Variants in FUBP1 observed in about 807,000 individuals in gnomAD.
FUBP1 encodes the protein far upstream element binding protein 1.
FUBP1 carries 16 observed loss-of-function variants against 94.9 expected under a neutral mutation model. The ratio of observed to expected loss-of-function variants is 0.17; its 90% CI spans 0.11 to 0.26. FUBP1 has a LOEUF of 0.26. FUBP1 is among the 10% of genes least tolerant of loss of function. FUBP1 has a pLI of 1.00. For synonymous variants in FUBP1, 279 were observed against 254.9 expected, an observed-to-expected ratio of 1.09 and a Z score of -0.90; for missense variants, 583 against 808.6, an observed-to-expected ratio of 0.72 and a Z score of 3.38.
chr1:77,955,472 C>T, intron 17 of FUBP1, 143 bp from the exon 18 acceptor site: 1 of 611,044 alleles, frequency 1.6e-6, no homozygotes, highest in East Asian at 2.8e-5. Flanking sequence ...GGTGGCATCC[C>T]TAACAGTGCC....
At chr1:77,963,999 T>G (rs894346517) in intron 12 of FUBP1, 63 bp downstream of exon 12, 31 of 1,006,598 alleles carry the variant, frequency 3.1e-5, no homozygotes, top group Non-Finnish European at 4.6e-5. Flanking sequence ...TAACTTCAGA[T>G]TTCATGAAGG....
rs1652309993 is a variant in FUBP1, at chr1:77,947,053, T to A, written c.*1713A>T. 1 of 208,902 alleles carries A rather than the reference T, an allele frequency of 4.8e-6. No individual in the cohort carries two copies. Among genetic ancestry groups the A allele is most frequent in the Admixed American group, 5.8e-5 (1 of 17,184 alleles). The allele number at this position is 208,902 out of a possible 1,614,324, so 12.9% of individuals were successfully genotyped here. A position where few individuals can be genotyped will look rare whatever the true frequency, so the allele number is the denominator to read the frequency against. On this transcript the variant is annotated 3_prime_UTR_variant, in exon 20 of 20. Transcript: ENST00000370768. ...TGACAAAATATATATTTATGAAATG[T>A]GTTAAAATTGCTACATTGCTCATTA...
At chr1:77,978,154 C>T (rs1039014016) in intron 1 of FUBP1, among the ~76,000 whole-genome samples, 1 of 152,226 alleles carries the variant, frequency 6.6e-6, no homozygotes, top group Non-Finnish European at 1.5e-5. Flanking sequence ...TCCTGGAATA[C>T]ACGCACTATT....
In FUBP1 at chr1:77,945,146, A is replaced by C. The variant is rs1376767844; in HGVS notation, c.*3620T>G. Among the ~76,000 whole-genome samples, 1 of 152,006 alleles carries C rather than the reference A, an allele frequency of 6.6e-6. No homozygotes were observed. Among genetic ancestry groups the C allele is most frequent in the African/African-American group, 2.4e-5 (1 of 41,438 alleles). Reference sequence around the variant, plus strand: ...CAGTGAAGGCTTATGGTAATGAATAAAAGAATTCTCATGAGACAGAAACAA... The same window carrying C: ...CAGTGAAGGCTTATGGTAATGAATACAAGAATTCTCATGAGACAGAAACAA... On this transcript the variant is annotated 3_prime_UTR_variant, in exon 20 of 20. Coordinates refer to ENST00000370768, the MANE Select transcript of FUBP1 (RefSeq NM_003902.5).
rs907502828 is a variant in FUBP1 at position 77,969,885 on chromosome 1, A to T, written c.211+40T>A. 4 of 864,684 alleles carry T rather than the reference A, an allele frequency of 4.6e-6. No individual in the cohort carries two copies. In the Admixed American group the frequency reaches 9.5e-5, roughly 21 times the overall value. The allele number at this position is 864,684 out of a possible 1,614,324, so 53.6% of individuals were successfully genotyped here. A position where few individuals can be genotyped will look rare whatever the true frequency, so the allele number is the denominator to read the frequency against. On this transcript the variant is annotated intron_variant, in intron 2 of 19. Transcript: ENST00000370768. ...ATACCGAGAATCACTTCAACTAAAC[A>T]CTCTGAAAAACAATTTAAAATACTT...
chr1:77,966,874 G>T lies in FUBP1; in HGVS notation c.415+10C>A, dbSNP rs1656606896. ...GTCACACTGAAAATACCATGAGAATGTAACATTACCAGGAGCTATCTGTAT... is the reference window on the plus strand; with the variant it reads ...GTCACACTGAAAATACCATGAGAATTTAACATTACCAGGAGCTATCTGTAT... On this transcript the variant is annotated intron_variant, in intron 6 of 19. Coordinates refer to ENST00000370768, the MANE Select transcript of FUBP1 (RefSeq NM_003902.5). 3 of 1,514,500 alleles carry T rather than the reference G, an allele frequency of 2.0e-6. No homozygotes were observed. The highest frequency in any genetic ancestry group is 2.7e-6 in the Non-Finnish European group (3 of 1,091,240). 93.8% of individuals were successfully genotyped at this position (1,514,500 alleles called of 1,614,324 possible).
At chr1:77,948,851 T>A in intron 19 of FUBP1, 77 bp from the exon 20 acceptor site, 1 of 1,590,956 alleles carries the variant, frequency 6.3e-7, no homozygotes, top group South Asian at 1.1e-5. Flanking sequence ...CAGGAGTGAA[T>A]CCTTTAAGAA....
intron 1 of FUBP1, among the ~76,000 whole-genome samples, chr1:77,972,217 C>A (rs1315713979): frequency 6.6e-6 from 1 of 152,082 alleles, no homozygotes; most frequent in Non-Finnish European, 1.5e-5. Context: ...AAATACACTG[C>A]TGGGTATCGA....
intron 17 of FUBP1, 133 bp from the exon 18 acceptor site, chr1:77,955,462 G>C: frequency 7.9e-6 from 5 of 629,744 alleles, no homozygotes; most frequent in Non-Finnish European, 1.1e-5. Context: ...ACTATGTGGT[G>C]GTGGCATCCC....
chr1:77,970,070 A>C lies in FUBP1; in HGVS notation c.121-55T>G, dbSNP rs878918344. The C allele has an allele frequency of 6.8e-5, 56 of 829,266 alleles. 1 individual carries two copies. In the South Asian group the frequency reaches 1.0e-3, roughly 16 times the overall value. The allele number at this position is 829,266 out of a possible 1,614,324, so 51.4% of individuals were successfully genotyped here. On this transcript the variant is annotated intron_variant, in intron 1 of 19. Transcript: ENST00000370768. ...AAACTATTATATACTATTCATTACT[A>C]AATTACCCCCATTTACTTCCTGATA... is the stretch of plus-strand genomic sequence containing the variant.
At chr1:77,959,461 T>C (rs1162342033) in intron 16 of FUBP1, among the ~76,000 whole-genome samples, 1 of 152,204 alleles carries the variant, frequency 6.6e-6, no homozygotes, top group Admixed American at 6.5e-5. Flanking sequence ...ACAGATATCT[T>C]ATTTGACAAT....
rs137872183 is a variant in FUBP1, at chr1:77,965,470, C to A, written c.474-239G>T. On this transcript the variant is annotated intron_variant, in intron 7 of 19. Coordinates refer to ENST00000370768, the MANE Select transcript of FUBP1 (RefSeq NM_003902.5). ...TACAATTTTTATTTTTAAGAATAGT[C>A]CAAAATTTCCAAGAAAGAACTCTAA... 3.5e-4 allele frequency among the ~76,000 whole-genome samples: 54 copies of A among 152,152 alleles called. 1 individual carries two copies. The highest frequency in any genetic ancestry group is 1.2e-3 in the African/African-American group (50 of 41,502).
In FUBP1 at chr1:77,964,660, TTCC is replaced by T. The variant is rs781219330; in HGVS notation, c.820_822del (p.Gly274del). 33 of 1,584,484 alleles carry T rather than the reference TTCC, an allele frequency of 2.1e-5. No individual in the cohort carries two copies. The East Asian group carries it at 6.0e-4, about 29-fold the overall frequency. On this transcript the variant is annotated inframe_deletion, in exon 10 of 20. Coordinates refer to ENST00000370768, the MANE Select transcript of FUBP1 (RefSeq NM_003902.5). ...TTTTTACTTACATCTATCCCTTCAT[TTCC>T]TCCTATTCTTGACCCATACTCATTC...
At chr1:77,968,273 AAATAAC>A (rs1656889756) in intron 2 of FUBP1, 70 bp from the exon 3 acceptor site, 1 of 840,806 alleles carries the variant, frequency 1.2e-6, no homozygotes, top group Admixed American at 2.8e-5. Context: ...AAACAAGAAT[AAATAAC>A]AATATAAACA....
At chr1:77,965,999 G>C (rs978073437) in intron 7 of FUBP1, among the ~76,000 whole-genome samples, 2 of 152,240 alleles carry the variant, frequency 1.3e-5, no homozygotes, top group Admixed American at 6.5e-5. Context: ...CCTGGCAACA[G>C]AGCGAGACTT....
intron 1 of FUBP1, among the ~76,000 whole-genome samples, chr1:77,974,473 T>C (rs1329750245): frequency 6.6e-6 from 1 of 152,178 alleles, no homozygotes; most frequent in African/African-American, 2.4e-5. Context: ...TTCACCATGT[T>C]GCCTAGGGTG....
At chr1:77,974,058 C>G (rs540425800) in intron 1 of FUBP1, among the ~76,000 whole-genome samples, 3 of 151,574 alleles carry the variant, frequency 2.0e-5, no homozygotes, top group Non-Finnish European at 4.4e-5. Flanking sequence ...CTCCCAAGTT[C>G]AAGCAATCCT....
chr1:77,971,445 G>A (rs1409120847), intron 1 of FUBP1, among the ~76,000 whole-genome samples: 1 of 152,066 alleles, frequency 6.6e-6, no homozygotes, highest in East Asian at 1.9e-4. Context: ...GTTAAGTGCT[G>A]AAGTCATAAA....
rs755613215 is a variant in FUBP1 at position 77,967,619 on chromosome 1, G to A, written c.290+8C>T. The A allele has an allele frequency of 1.3e-6, 2 of 1,590,112 alleles. No homozygotes were observed. The highest frequency in any genetic ancestry group is 2.2e-5 in the East Asian group (1 of 44,448). On this transcript the variant is annotated splice_region_variant and intron_variant, in intron 4 of 19. Transcript: ENST00000370768. Reference sequence around the variant, plus strand: ...GCAGAGTACTTTTTGAAAATCTTGTGACTATACCTTTGCTGCTGATGCATC... The same window carrying A: ...GCAGAGTACTTTTTGAAAATCTTGTAACTATACCTTTGCTGCTGATGCATC...
Sources: gnomAD v4.1 joint callset for allele counts (sites outside exome capture counted in the v4.1 genomes callset) on GRCh38, gnomAD v4.1.1 for gene constraint, MANE v1.5 for transcripts, NCBI Gene and HGNC (gene_info 2026-07-23, HGNC 2026-07-21) for gene names.